The following RPS17 variants were observed in gnomAD, a reference collection of about 807,000 sequenced individuals.
The protein encoded by RPS17 is ribosomal protein S17, also known as small ribosomal subunit protein eS17.
For missense variants in RPS17, 68 were observed against 182.3 expected (o/e 0.37, Z 3.61); for synonymous variants, 75 against 65.6 (o/e 1.14, Z -0.70).
chr15:82,536,874 C>G lies in RPS17; in HGVS notation c.335G>C (p.Gly112Ala), dbSNP rs1372348075. The change falls in exon 5 of 5, where the codon GGC becomes GCC. Residue 112 changes from glycine to alanine, a missense_variant. By Grantham distance (60) the Gly-to-Ala change is moderately conservative (BLOSUM62 0). Transcript: ENST00000647841. ...AGTGACCTGAAGGTTGGACAGACTG[C>G]CGAAGTCCTGGAACGAGAAAATGGA... The part of the protein sequence containing the change: ...TKEMLKLLDF[G>A]SLSNLQVTQP... The G allele has an allele frequency of 1.2e-6, 2 of 1,613,966 alleles. No individual in the cohort carries two copies. The highest frequency in any genetic ancestry group is 2.7e-5 in the African/African-American group (2 of 75,034).
chr15:82,539,269 T>G (rs1427551440), intron 2 of RPS17: 3 of 602,270 alleles, frequency 5.0e-6, no homozygotes, highest in Non-Finnish European at 6.2e-6. Flanking sequence ...TTCACAGCCT[T>G]CATTTTCTTC....
At chr15:82,539,925 G>C in intron 2 of RPS17, 56 bp downstream of exon 2, 1 of 1,611,814 alleles carries the variant, frequency 6.2e-7, no homozygotes, top group Non-Finnish European at 8.5e-7. Context: ...GTCGGAGGGC[G>C]GCAGAGCACA....
intron 2 of RPS17, chr15:82,539,484 T>C: frequency 2.2e-6 from 1 of 458,566 alleles, no homozygotes; most frequent in Non-Finnish European, 4.4e-6. Flanking sequence ...GGTCAGGTGT[T>C]CGAGACCAGC....
chr15:82,540,242 G>T (rs2034324717), intron 1 of RPS17, 110 bp from the exon 2 acceptor site: 1 of 1,608,224 alleles, frequency 6.2e-7, no homozygotes. Flanking sequence ...CGCTGAGCCG[G>T]AGAGGGCCCG....
At chr15:82,538,217 A>G in intron 4 of RPS17, 89 bp downstream of exon 4, 1 of 1,432,964 alleles carries the variant, frequency 7.0e-7, no homozygotes, top group South Asian at 1.2e-5. Context: ...CAACTCTGCC[A>G]CTTACTAGCT....
chr15:82,538,078 A>G, intron 4 of RPS17: 1 of 595,052 alleles, frequency 1.7e-6, no homozygotes, highest in South Asian at 1.5e-5. Context: ...CAAGAGAGAA[A>G]AGGTGTCCTG....
chr15:82,536,931 G>A (rs2034249635), intron 4 of RPS17, 50 bp from the exon 5 acceptor site: 2 of 1,607,674 alleles, frequency 1.2e-6, no homozygotes, highest in Non-Finnish European at 1.7e-6. Context: ...AGATCTGTGA[G>A]TGGACCCCAG....
At chr15:82,538,604 C>T (rs2034281943) in intron 3 of RPS17, 2 of 659,106 alleles carry the variant, frequency 3.0e-6, no homozygotes, top group Non-Finnish European at 5.4e-6. Flanking sequence ...TGTGTTTACA[C>T]CAAAGAATAC....
intron 3 of RPS17, 140 bp from the exon 4 acceptor site, chr15:82,538,511 T>C (rs1297093408): frequency 8.7e-6 from 8 of 915,894 alleles, no homozygotes; most frequent in Non-Finnish European, 1.4e-5. Context: ...GAGCAGTCTC[T>C]TACAGTATTA....
intron 4 of RPS17, chr15:82,537,800 C>T (rs2034266673): frequency 2.2e-6 from 1 of 446,604 alleles, no homozygotes; most frequent in African/African-American, 2.0e-5. Flanking sequence ...TCAAAATCAC[C>T]AACCGCCCAT....
chr15:82,538,945 C>T lies in RPS17; in HGVS notation c.196G>A (p.Val66Ile), dbSNP rs2150887781. The T allele has an allele frequency of 1.2e-6, 2 of 1,614,032 alleles. No individual in the cohort carries two copies. Among genetic ancestry groups the T allele is most frequent in the Admixed American group, 1.7e-5 (1 of 60,018 alleles). Residue 66 changes from valine (V) to isoleucine (I), a missense_variant, in exon 3 of 5, where the codon GTA becomes ATA. Physicochemically the swap from Val to Ile is conservative, Grantham distance 29. Transcript: ENST00000647841. Reference protein sequence around the residue: ...HLMKRIQRGPVRGISIKLQEE... With the variant: ...HLMKRIQRGPIRGISIKLQEE... ...TGCAGCTTGATGGAGATACCTCTTACTGGGCCTCTCTGAATTCGCTTCATC... is the reference window on the plus strand; with the variant it reads ...TGCAGCTTGATGGAGATACCTCTTATTGGGCCTCTCTGAATTCGCTTCATC...
chr15:82,538,838 A>C (rs2034286439), intron 3 of RPS17, 42 bp downstream of exon 3: 19 of 1,597,840 alleles, frequency 1.2e-5, no homozygotes, highest in South Asian at 9.9e-5. Context: ...TAGCTTTATC[A>C]TTTGAGGATT....
Position 82,539,958 on chromosome 15 carries a change from A to G in RPS17, c.155+23T>C, listed in dbSNP as rs1021826277. The G allele has an allele frequency of 2.9e-5, 47 of 1,612,026 alleles. 1 individual carries two copies. Among genetic ancestry groups the G allele is most frequent in the Admixed American group, 2.3e-4 (14 of 60,020 alleles). On this transcript the variant is annotated intron_variant, in intron 2 of 4. Coordinates refer to ENST00000647841, the MANE Select transcript of RPS17 (RefSeq NM_001021.6). Reference sequence around the variant, plus strand: ...ACACAAACAGATCGCGGAGCCCCGGAGGCCGAGGAAGGCCCGACTCACCCT... The same window carrying G: ...ACACAAACAGATCGCGGAGCCCCGGGGGCCGAGGAAGGCCCGACTCACCCT...
At chr15:82,540,273 G>T in intron 1 of RPS17, 141 bp from the exon 2 acceptor site, 1 of 1,598,942 alleles carries the variant, frequency 6.3e-7, no homozygotes, top group Non-Finnish European at 8.5e-7. Context: ...GCCGGGCGCC[G>T]GGCTTAATGC....
chr15:82,538,801 G>C, intron 3 of RPS17, 79 bp downstream of exon 3: 3 of 1,439,570 alleles, frequency 2.1e-6, no homozygotes, highest in Non-Finnish European at 9.8e-7. Context: ...AGATTCAGCT[G>C]AGGTCCCTTT....
chr15:82,537,177 C>A, intron 4 of RPS17: 1 of 496,398 alleles, frequency 2.0e-6, no homozygotes, highest in Non-Finnish European at 3.7e-6. Context: ...TCTAAAACAC[C>A]GTTTCTCAAT....
At chr15:82,539,014 A>T in intron 2 of RPS17, 29 bp from the exon 3 acceptor site, 1 of 1,610,212 alleles carries the variant, frequency 6.2e-7, no homozygotes, top group Non-Finnish European at 8.5e-7. Flanking sequence ...CAAAGAGAAC[A>T]GTGAGAAGAC....
chr15:82,538,763 G>A, intron 3 of RPS17, 117 bp downstream of exon 3: 1 of 1,112,800 alleles, frequency 9.0e-7, no homozygotes, highest in Admixed American at 1.7e-5. Context: ...CCCACAGCTG[G>A]TTATGGAATG....
chr15:82,538,265 G>T, intron 4 of RPS17, 41 bp downstream of exon 4: 2 of 1,608,300 alleles, frequency 1.2e-6, no homozygotes, highest in South Asian at 2.2e-5. Context: ...GATGGTTTTT[G>T]ACCAGGAAAA....
Sources: allele counts gnomAD v4.1 joint callset, GRCh38; gene constraint gnomAD v4.1.1; transcripts MANE v1.5; gene names NCBI Gene and HGNC (gene_info 2026-07-23, HGNC 2026-07-21).